The following EXT1 variants were observed in gnomAD, a reference collection of about 807,000 sequenced individuals.
The protein encoded by EXT1 is exostosin glycosyltransferase 1, also known as exostosin-1.
EXT1 carries 20 observed loss-of-function variants against 82.5 expected under a neutral mutation model. The observed-to-expected ratio is 0.24, with a 90% CI of 0.17 to 0.35. The LOEUF is 0.35. EXT1 is among the 10% of genes least tolerant of loss of function. EXT1 has a pLI of 1.00. For synonymous variants in EXT1, 348 were observed against 350.8 expected, an observed-to-expected ratio of 0.99 and a Z score of 0.09; for missense variants, 757 against 936.5, an observed-to-expected ratio of 0.81 and a Z score of 2.50.
At chr8:117,847,071 G>C (rs1293639075) in intron 1 of EXT1, among the ~76,000 whole-genome samples, 1 of 152,012 alleles carries the variant, frequency 6.6e-6, no homozygotes, top group Non-Finnish European at 1.5e-5. Context: ...ACTTTCTGTT[G>C]ACCCAACAAC....
At chr8:117,920,906 C>A (rs146024638) in intron 1 of EXT1, among the ~76,000 whole-genome samples, 2 of 152,290 alleles carry the variant, frequency 1.3e-5, no homozygotes, top group African/African-American at 4.8e-5. Context: ...TCCAACACAT[C>A]ATCAAGCAGG....
At chr8:118,024,173 A>G (rs1816163020) in intron 1 of EXT1, among the ~76,000 whole-genome samples, 2 of 152,266 alleles carry the variant, frequency 1.3e-5, no homozygotes, top group African/African-American at 4.8e-5. Flanking sequence ...AAAAGAGATC[A>G]AGGAAGGTGA....
intron 1 of EXT1, among the ~76,000 whole-genome samples, chr8:117,853,034 A>G (rs113622561): frequency 2.8e-4 from 43 of 152,332 alleles, no homozygotes; most frequent in African/African-American, 9.4e-4. Context: ...AGTGTCCAGC[A>G]GGACTGGGGT....
intron 1 of EXT1, among the ~76,000 whole-genome samples, chr8:117,986,657 T>A (rs936358442): frequency 6.6e-6 from 1 of 152,176 alleles, no homozygotes; most frequent in African/African-American, 2.4e-5. Context: ...AGATTTAAAT[T>A]CTAGAGAAAG....
At chr8:118,107,569 TA>T (rs772236120) in intron 1 of EXT1, among the ~76,000 whole-genome samples, 4 of 152,186 alleles carry the variant, frequency 2.6e-5, no homozygotes, top group Non-Finnish European at 5.9e-5. Flanking sequence ...GCATCTCACA[TA>T]TCTAAGGCCA....
chr8:117,812,764 A>C (rs1201437389), intron 8 of EXT1, 108 bp downstream of exon 8: 1 of 1,056,986 alleles, frequency 9.5e-7, no homozygotes, highest in Non-Finnish European at 1.4e-6. Flanking sequence ...GTTTTGAAAA[A>C]TGTTTTCAAC....
At chr8:118,019,275 G>GAAAGAAAGAAAGAA (rs1218854684) in intron 1 of EXT1, among the ~76,000 whole-genome samples, 3 of 149,356 alleles carry the variant, frequency 2.0e-5, no homozygotes, top group Non-Finnish European at 4.4e-5. Context: ...AAGAAAGAAA[G>GAAAGAAAGAAAGAA]AAAGAAAGAG....
intron 1 of EXT1, among the ~76,000 whole-genome samples, chr8:118,106,992 T>C (rs188419892): frequency 5.5e-4 from 84 of 152,364 alleles, no homozygotes; most frequent in Admixed American, 5.4e-3. Context: ...AAGTATTTTC[T>C]TTCATTCCTT....
chr8:118,071,306 C>A (rs965297383), intron 1 of EXT1, among the ~76,000 whole-genome samples: 1 of 152,218 alleles, frequency 6.6e-6, no homozygotes, highest in Middle Eastern at 3.4e-3. Flanking sequence ...GTACCTCCTG[C>A]GTGACACTGT....
At chr8:117,886,094 G>A (rs549234786) in intron 1 of EXT1, among the ~76,000 whole-genome samples, 11 of 152,248 alleles carry the variant, frequency 7.2e-5, no homozygotes, top group Non-Finnish European at 1.2e-4. Flanking sequence ...AACACTTCAC[G>A]AATGAGATGA....
intron 1 of EXT1, among the ~76,000 whole-genome samples, chr8:118,066,191 CT>C (rs1346887421): frequency 6.6e-6 from 1 of 152,130 alleles, no homozygotes; most frequent in African/African-American, 2.4e-5. Flanking sequence ...AGACTAACCC[CT>C]CATCTTCCTC....
At chr8:117,974,231 A>T (rs1333054940) in intron 1 of EXT1, among the ~76,000 whole-genome samples, 1 of 152,202 alleles carries the variant, frequency 6.6e-6, no homozygotes, top group Non-Finnish European at 1.5e-5. Flanking sequence ...TAAAAGTCAT[A>T]GTAGTGGATG....
chr8:117,879,901 A>T (rs1218158883), intron 1 of EXT1, among the ~76,000 whole-genome samples: 1 of 152,214 alleles, frequency 6.6e-6, no homozygotes, highest in African/African-American at 2.4e-5. Flanking sequence ...TGTGCTTTGG[A>T]TGAGTCTTTC....
intron 1 of EXT1, among the ~76,000 whole-genome samples, chr8:118,076,503 T>C (rs1457799918): frequency 3.9e-5 from 6 of 152,260 alleles, no homozygotes; most frequent in Non-Finnish European, 8.8e-5. Flanking sequence ...GGAATATGTC[T>C]GTCTCAGCCC....
At chr8:118,011,416 A>C (rs1815897119) in intron 1 of EXT1, among the ~76,000 whole-genome samples, 1 of 152,198 alleles carries the variant, frequency 6.6e-6, no homozygotes, top group South Asian at 2.1e-4. Flanking sequence ...TTAATTTTAA[A>C]ATGTGCCTAC....
intron 1 of EXT1, among the ~76,000 whole-genome samples, chr8:118,034,730 C>A (rs1234570179): frequency 3.3e-5 from 5 of 152,198 alleles, no homozygotes. Flanking sequence ...TTCAAGATGA[C>A]TACCAATTCA....
Position 118,111,524 on chromosome 8 carries a change from C to T in EXT1, c.-478G>A. 4.4e-6 allele frequency: 2 copies of T among 452,784 alleles called. No individual in the cohort carries two copies. Among genetic ancestry groups the T allele is most frequent in the Non-Finnish European group, 7.8e-6 (2 of 257,752 alleles). The allele number at this position is 452,784 out of a possible 1,614,324, so 28.0% of individuals were successfully genotyped here. ...TCCGTGCAGAGCACTCCGGTTCCAA[C>T]AAGTCAGCCGATCCCGGGTTCAGCC... On this transcript the variant is annotated 5_prime_UTR_variant, in exon 1 of 11. Transcript: ENST00000378204.
At chr8:117,859,218 A>C (rs1331082174) in intron 1 of EXT1, among the ~76,000 whole-genome samples, 2 of 152,218 alleles carry the variant, frequency 1.3e-5, no homozygotes, top group Non-Finnish European at 2.9e-5. Context: ...GTCTGGAACC[A>C]AACACACAAT....
At position 118,110,065 on chromosome 8, in the gene EXT1, A is replaced by C. The variant is rs1817865901; in HGVS notation, c.962+20T>G. 1 of 1,613,024 alleles carries C rather than the reference A, an allele frequency of 6.2e-7. No individual in the cohort carries two copies. Among genetic ancestry groups the C allele is most frequent in the Admixed American group, 1.7e-5 (1 of 59,998 alleles). ...GAGCCCAAGGCTGACTCCCAAAGACACGCCAGCCCAGACACTTACTTCTCA... is the reference window on the plus strand; with the variant it reads ...GAGCCCAAGGCTGACTCCCAAAGACCCGCCAGCCCAGACACTTACTTCTCA... On this transcript the variant is annotated intron_variant, in intron 1 of 10. Coordinates refer to ENST00000378204, the MANE Select transcript of EXT1 (RefSeq NM_000127.3).
Sources: gnomAD v4.1 joint callset for allele counts (sites outside exome capture counted in the v4.1 genomes callset) on GRCh38, gnomAD v4.1.1 for gene constraint, MANE v1.5 for transcripts, NCBI Gene and HGNC (gene_info 2026-07-23, HGNC 2026-07-21) for gene names.